VPS13D: variants seen among roughly 807,000 people sequenced by gnomAD.
VPS13D encodes intermembrane lipid transfer protein VPS13D.
VPS13D carries 187 observed loss-of-function variants against 461.9 expected under a neutral mutation model. The observed-to-expected ratio is 0.40, with a 90% CI of 0.36 to 0.46. VPS13D has a LOEUF of 0.46. Ranked by LOEUF, VPS13D falls within the 20% of genes least tolerant of loss-of-function variation. The pLI, the probability that VPS13D is intolerant of heterozygous loss-of-function variation, is 0.60. For missense variants in VPS13D, 4,711 were observed against 5,364.9 expected (o/e 0.88, Z 3.81); for synonymous variants, 1,951 against 1,986.3 (o/e 0.98, Z 0.47).
At chr1:12,456,207 A>C in intron 66 of VPS13D, 77 bp downstream of exon 66, 1 of 1,508,772 alleles carries the variant, frequency 6.6e-7, no homozygotes, top group East Asian at 2.3e-5. Context: ...TTGCAGCTAT[A>C]AAAAAAGAAA....
intron 66 of VPS13D, among the ~76,000 whole-genome samples, chr1:12,457,020 A>G (rs12405691): frequency 0.04 from 6,049 of 152,326 alleles, 178 homozygotes; most frequent in South Asian, 0.099. Context: ...CTAAAATTAT[A>G]AATTTATTTG....
Position 12,505,334 on chromosome 1 carries a change from C to T in VPS13D, c.12795-1519C>T, listed in dbSNP as rs546793792. ...TTCAGTGATGCTGCCGCTCTCAATG[C>T]GGTTAGAGCGCAAGATGTGAGAACG... On this transcript the variant is annotated intron_variant, in intron 68 of 69. Coordinates refer to ENST00000620676, the MANE Select transcript of VPS13D (RefSeq NM_015378.4). The surrounding 1 kb of genome is among the most constrained non-coding windows in gnomAD (Gnocchi z 4.2). Among the ~76,000 whole-genome samples the T allele has an allele frequency of 2.6e-5, 4 of 152,360 alleles. No individual in the cohort carries two copies. The South Asian group carries it at 8.3e-4, about 32-fold the overall frequency.
intron 67 of VPS13D, among the ~76,000 whole-genome samples, chr1:12,496,018 C>T (rs529618214): frequency 6.6e-6 from 1 of 152,174 alleles, no homozygotes; most frequent in Non-Finnish European, 1.5e-5. Context: ...TCCCCACTTT[C>T]GATCGATATT....
chr1:12,404,048 T>G, intron 63 of VPS13D, 75 bp downstream of exon 63: 6 of 1,413,706 alleles, frequency 4.2e-6, no homozygotes, highest in Non-Finnish European at 5.7e-6. Flanking sequence ...CTATTTGTTG[T>G]TTGTTGTTGT....
chr1:12,234,455 C>A, intron 2 of VPS13D, 92 bp downstream of exon 2: 1 of 1,009,038 alleles, frequency 9.9e-7, no homozygotes, highest in South Asian at 1.5e-5. Context: ...AAACCTAATG[C>A]CCAGATGGCT....
At chr1:12,323,667 A>T in intron 34 of VPS13D, 39 bp from the exon 35 acceptor site, 3 of 1,580,134 alleles carry the variant, frequency 1.9e-6, no homozygotes, top group Non-Finnish European at 2.6e-6. Context: ...TAATTTACAT[A>T]AAATTATTTA....
Position 12,368,562 on chromosome 1 carries a change from C to T in VPS13D, c.10543C>T (p.Pro3515Ser). 6.2e-7 allele frequency: 1 copy of T among 1,613,376 alleles called. No individual in the cohort carries two copies. The highest frequency in any genetic ancestry group is 8.5e-7 in the Non-Finnish European group (1 of 1,179,700). The change falls in exon 53 of 70, where the codon CCT becomes TCT. Residue 3515 changes from proline (P) to serine (S), a missense_variant. Physicochemically the swap from Pro to Ser is moderately conservative, Grantham distance 74. This residue lies in a region of VPS13D where 4,411 missense variants were observed against 4,937.8 expected (regional missense o/e 0.89). Coordinates refer to ENST00000620676, the MANE Select transcript of VPS13D (RefSeq NM_015378.4). ...ATTTAGTGACACAGATCAGTTACCT[C>T]CTCCTTTCCGAATTGACAACTTTTC... ...ISFSDTDQLP[P>S]PFRIDNFSKV... is the part of the protein sequence containing the mutation.
At chr1:12,365,703 C>CA (rs796549722) in intron 52 of VPS13D, among the ~76,000 whole-genome samples, 7,641 of 91,958 alleles carry the variant, frequency 0.083, 377 homozygotes, top group African/African-American at 0.19. Context: ...GACTCTGTCT[C>CA]AAAAAAAAAA....
intron 67 of VPS13D, among the ~76,000 whole-genome samples, chr1:12,476,248 A>G (rs1306073723): frequency 6.6e-6 from 1 of 152,236 alleles, no homozygotes; most frequent in Admixed American, 6.5e-5. Context: ...TATTGTCATA[A>G]AAGTGATCCT....
At chr1:12,486,939 A>T (rs1392560035) in intron 67 of VPS13D, among the ~76,000 whole-genome samples, 1 of 152,002 alleles carries the variant, frequency 6.6e-6, no homozygotes, top group African/African-American at 2.4e-5. Flanking sequence ...CTGGTTCCGC[A>T]TGGCTTCCCT....
intron 67 of VPS13D, among the ~76,000 whole-genome samples, chr1:12,482,220 A>G (rs551301249): frequency 1.3e-5 from 2 of 152,340 alleles, no homozygotes; most frequent in Admixed American, 6.5e-5. Flanking sequence ...GAGACGAGGC[A>G]TAGATAGTAA....
intron 7 of VPS13D, 88 bp from the exon 8 acceptor site, chr1:12,256,245 T>C (rs1640917130): frequency 6.8e-7 from 1 of 1,465,092 alleles, no homozygotes. Flanking sequence ...TGAGCTCCAC[T>C]GTTTGTCATA....
At chr1:12,232,222 C>A (rs1202469080) in intron 1 of VPS13D, among the ~76,000 whole-genome samples, 1 of 151,908 alleles carries the variant, frequency 6.6e-6, no homozygotes, top group Non-Finnish European at 1.5e-5. Flanking sequence ...TTTTTGCTGT[C>A]ACTGTTGACC....
chr1:12,289,863 A>G (rs1642075960), intron 22 of VPS13D, among the ~76,000 whole-genome samples: 1 of 152,028 alleles, frequency 6.6e-6, no homozygotes, highest in Non-Finnish European at 1.5e-5. Flanking sequence ...TTGAGCCTGG[A>G]AGGTCAAGGC....
chr1:12,279,473 C>T lies in VPS13D; in HGVS notation c.4451-26C>T, dbSNP rs375112002. On this transcript the variant is annotated intron_variant, in intron 19 of 69. Transcript: ENST00000620676. The surrounding 1 kb of genome is among the most constrained non-coding windows in gnomAD (Gnocchi z 4.3). The stretch of plus-strand genomic sequence containing the variant: ...TGAAGTAAATATTAAGGTTTATGGT[C>T]TATCATTTCATCTCTTTTATGCCAG... The T allele has an allele frequency of 2.5e-5, 40 of 1,574,104 alleles. No individual in the cohort carries two copies. Among genetic ancestry groups the T allele is most frequent in the Non-Finnish European group, 2.8e-5 (32 of 1,153,662 alleles).
rs1482345674 is a variant in VPS13D, at chr1:12,256,863, G to T, written c.841-124G>T. The stretch of plus-strand genomic sequence containing the variant: ...TTGATGCTGATATTTTGGTCTTTCA[G>T]TTTGCACTGGGTTTCAATTCAGTGG... On this transcript the variant is annotated intron_variant, in intron 8 of 69. Transcript: ENST00000620676. The T allele has an allele frequency of 4.8e-6, 5 of 1,034,862 alleles. No homozygotes were observed. In the African/African-American group the frequency reaches 8.0e-5, roughly 17 times the overall value. The allele number at this position is 1,034,862 out of a possible 1,614,324, so 64.1% of individuals were successfully genotyped here. A position where few individuals can be genotyped will look rare whatever the true frequency, so the allele number is the denominator to read the frequency against.
intron 67 of VPS13D, among the ~76,000 whole-genome samples, chr1:12,479,663 T>A (rs1237142328): frequency 6.6e-6 from 1 of 152,062 alleles, no homozygotes; most frequent in Admixed American, 6.5e-5. Flanking sequence ...GAGTACATGC[T>A]CCTAATCTCT....
chr1:12,245,808 A>C (rs1640533433), intron 5 of VPS13D, among the ~76,000 whole-genome samples: 1 of 152,220 alleles, frequency 6.6e-6, no homozygotes, highest in African/African-American at 2.4e-5. Flanking sequence ...TCACTAATCT[A>C]CTTTCTTTCT....
chr1:12,259,534 G>C (rs530668455), intron 10 of VPS13D, among the ~76,000 whole-genome samples: 225 of 152,058 alleles, frequency 1.5e-3, no homozygotes, highest in Non-Finnish European at 2.5e-3. Flanking sequence ...GAACTCCTGG[G>C]CTCAAGCAAT....
Sources: allele counts gnomAD v4.1 joint callset (sites outside exome capture counted in the v4.1 genomes callset), GRCh38; gene constraint gnomAD v4.1.1; regional missense constraint gnomAD v4.1.1; non-coding constraint Gnocchi (gnomAD v3.1); transcripts MANE v1.5; gene names NCBI Gene and HGNC (gene_info 2026-07-23, HGNC 2026-07-21).